GOLIM4: variants seen among roughly 807,000 people sequenced by gnomAD.
The protein encoded by GOLIM4 is 130 kDa golgi-localized phosphoprotein.
GOLIM4 carries 71 observed loss-of-function variants against 107.4 expected under a neutral mutation model. The ratio of observed to expected loss-of-function variants is 0.66; its 90% CI spans 0.55 to 0.81. The LOEUF (loss-of-function observed/expected upper bound fraction) is 0.81. GOLIM4 is among the 30% of genes least tolerant of loss of function. The probability of loss-of-function intolerance (pLI) is 0.00; values close to 1 mark genes in which losing one functional copy is unlikely to be tolerated. For missense variants in GOLIM4, 830 were observed against 826.1 expected (o/e 1.00, Z -0.06); for synonymous variants, 327 against 294.8 (o/e 1.11, Z -1.12).
chr3:168,084,288 T>C (rs943362774), intron 1 of GOLIM4, among the ~76,000 whole-genome samples: 2 of 152,146 alleles, frequency 1.3e-5, no homozygotes, highest in East Asian at 1.9e-4. Flanking sequence ...GCCTGTGGAA[T>C]TGTGAGTCAA....
chr3:168,042,401 C>T (rs1719066408), intron 5 of GOLIM4, among the ~76,000 whole-genome samples: 1 of 152,172 alleles, frequency 6.6e-6, no homozygotes, highest in Non-Finnish European at 1.5e-5. Flanking sequence ...TTGCCTTGGC[C>T]TCCCGAATGG....
chr3:168,038,288 T>C (rs1421496785), intron 7 of GOLIM4, among the ~76,000 whole-genome samples: 1 of 152,168 alleles, frequency 6.6e-6, no homozygotes, highest in African/African-American at 2.4e-5. Context: ...TATGGAGCAA[T>C]ACACAAAACT....
In GOLIM4 at chr3:168,076,872, A is replaced by G. The variant is rs1243863141; in HGVS notation, c.187+18227T>C. On this transcript the variant is annotated intron_variant, in intron 1 of 15. Transcript: ENST00000470487. ...TAACAGACTACTTTATTTACATTCT[A>G]TTACTTGATAGCAGCACTTGAATAA... is the stretch of plus-strand genomic sequence containing the variant. 2.0e-5 allele frequency among the ~76,000 whole-genome samples: 3 copies of G among 152,196 alleles called. No individual in the cohort carries two copies. In the East Asian group the frequency reaches 5.8e-4, roughly 29 times the overall value.
chr3:168,066,943 G>A (rs1372369762), intron 1 of GOLIM4, among the ~76,000 whole-genome samples: 1 of 152,046 alleles, frequency 6.6e-6, no homozygotes, highest in African/African-American at 2.4e-5. Flanking sequence ...TAGTTCTTGT[G>A]AGTGTGATTC....
chr3:168,040,676 T>G, intron 7 of GOLIM4, 110 bp downstream of exon 7: 1 of 667,252 alleles, frequency 1.5e-6, no homozygotes, highest in East Asian at 2.6e-5. Context: ...GATAGCTCTG[T>G]CCTAAGGAAC....
chr3:168,094,145 T>G (rs958296525), intron 1 of GOLIM4, among the ~76,000 whole-genome samples: 2 of 152,232 alleles, frequency 1.3e-5, no homozygotes, highest in Non-Finnish European at 2.9e-5. Flanking sequence ...GGATACGTCC[T>G]TAACAAGAGG....
At chr3:168,034,832 G>GCT (rs1219063270) in intron 8 of GOLIM4, among the ~76,000 whole-genome samples, 1 of 151,786 alleles carries the variant, frequency 6.6e-6, no homozygotes, top group Non-Finnish European at 1.5e-5. Context: ...CCCTGCACAA[G>GCT]CTCTCTCTCT....
At chr3:168,046,493 G>A (rs1719312781) in intron 3 of GOLIM4, among the ~76,000 whole-genome samples, 1 of 151,992 alleles carries the variant, frequency 6.6e-6, no homozygotes, top group Non-Finnish European at 1.5e-5. Flanking sequence ...ATTAGGGAGT[G>A]GTGATGACTC....
chr3:168,068,564 A>T (rs1720666604), intron 1 of GOLIM4, among the ~76,000 whole-genome samples: 1 of 151,452 alleles, frequency 6.6e-6, no homozygotes, highest in Admixed American at 6.6e-5. Context: ...ATGTTAACTT[A>T]AGGATAGTTT....
At chr3:168,046,863 G>T in intron 3 of GOLIM4, 87 bp downstream of exon 3, 1 of 664,358 alleles carries the variant, frequency 1.5e-6, no homozygotes, top group Non-Finnish European at 2.4e-6. Flanking sequence ...AAGTAAAAGA[G>T]TTCGCAACTG....
chr3:168,086,526 C>T (rs537473903), intron 1 of GOLIM4, among the ~76,000 whole-genome samples: 1 of 152,256 alleles, frequency 6.6e-6, no homozygotes, highest in South Asian at 2.1e-4. Flanking sequence ...TAACTTCATG[C>T]ACTCCCAAAG....
chr3:168,093,982 A>C (rs1209963702), intron 1 of GOLIM4, among the ~76,000 whole-genome samples: 1 of 152,184 alleles, frequency 6.6e-6, no homozygotes, highest in Non-Finnish European at 1.5e-5. Context: ...CTATCTACCT[A>C]GCAATATTAA....
intron 7 of GOLIM4, among the ~76,000 whole-genome samples, chr3:168,039,081 A>G (rs2108240621): frequency 6.6e-6 from 1 of 152,276 alleles, no homozygotes; most frequent in South Asian, 2.1e-4. Context: ...TCCATAGTTT[A>G]TAAGACACCC....
chr3:168,076,344 T>A (rs1031906886), intron 1 of GOLIM4, among the ~76,000 whole-genome samples: 2 of 152,222 alleles, frequency 1.3e-5, no homozygotes, highest in African/African-American at 4.8e-5. Flanking sequence ...CTTGTTCTGT[T>A]TTTTGTTTGT....
In GOLIM4 at chr3:168,010,417, G is replaced by T; in HGVS notation, c.1943C>A (p.Thr648Asn). The T allele has an allele frequency of 6.3e-7, 1 of 1,586,788 alleles. No homozygotes were observed. Among genetic ancestry groups the T allele is most frequent in the Non-Finnish European group, 8.6e-7 (1 of 1,161,072 alleles). Residue 648 changes from threonine to asparagine, a missense_variant and splice_region_variant, in exon 16 of 16, where the codon ACT (threonine) becomes AAT (asparagine). Physicochemically the swap from Thr to Asn is moderately conservative, Grantham distance 65 (BLOSUM62 0). Transcript: ENST00000470487. ...TTCTCCATCATTATTTTTATCATCA[G>T]TCTTAAAATTAAAAGAAAAAAGAAA... ...EETYGENDEN[T>N]DDKNNDGEEQ...
intron 14 of GOLIM4, among the ~76,000 whole-genome samples, chr3:168,012,215 C>A (rs1340032912): frequency 7.6e-6 from 1 of 132,052 alleles, no homozygotes; most frequent in Non-Finnish European, 1.5e-5. Flanking sequence ...GAGCTGAAAA[C>A]CAAGGCTCGA....
intron 7 of GOLIM4, among the ~76,000 whole-genome samples, chr3:168,037,943 C>T (rs933452581): frequency 6.6e-6 from 1 of 152,176 alleles, no homozygotes; most frequent in Non-Finnish European, 1.5e-5. Context: ...AACAAGCTTC[C>T]CAGACAGGGC....
intron 1 of GOLIM4, among the ~76,000 whole-genome samples, chr3:168,076,132 CAA>C (rs1721074177): frequency 6.6e-6 from 1 of 152,136 alleles, no homozygotes; most frequent in Admixed American, 6.5e-5. Flanking sequence ...AACCTTTTCC[CAA>C]AGTCTTGGGT....
At position 168,043,214 on chromosome 3, in the gene GOLIM4, A is replaced by G. The variant is rs1178141165; in HGVS notation, c.517+165T>C. 2.0e-5 allele frequency among the ~76,000 whole-genome samples: 3 copies of G among 152,330 alleles called. No homozygotes were observed. In the East Asian group the frequency reaches 5.8e-4, roughly 29 times the overall value. On this transcript the variant is annotated intron_variant, in intron 5 of 15. Coordinates refer to ENST00000470487, the MANE Select transcript of GOLIM4 (RefSeq NM_014498.5). ...ATTCTGCTTCCCTAAACCAACCCAA[A>G]TAGATGAAGATACATGTGAAACATT... is the stretch of plus-strand genomic sequence containing the variant.
Sources: allele counts gnomAD v4.1 joint callset (sites outside exome capture counted in the v4.1 genomes callset), GRCh38; gene constraint gnomAD v4.1.1; transcripts MANE v1.5; gene names NCBI Gene and HGNC (gene_info 2026-07-23, HGNC 2026-07-21).